The following SEMA6D variants were observed in gnomAD, a reference collection of about 807,000 sequenced individuals.
SEMA6D encodes semaphorin-6D.
A neutral mutation model predicts 106.6 loss-of-function variants in SEMA6D; 35 were observed. That is an observed-to-expected ratio of 0.33 (90% CI 0.25 to 0.44). The LOEUF (loss-of-function observed/expected upper bound fraction) is 0.44. SEMA6D is among the 20% of genes least tolerant of loss of function. The pLI is 1.00. For synonymous variants in SEMA6D, 499 were observed against 487.7 expected, an observed-to-expected ratio of 1.02 and a Z score of -0.31; for missense variants, 1,185 against 1,345.9, an observed-to-expected ratio of 0.88 and a Z score of 1.87.
intron 2 of SEMA6D, among the ~76,000 whole-genome samples, chr15:47,469,081 A>G (rs755701553): frequency 1.2e-4 from 19 of 152,198 alleles, no homozygotes; most frequent in Non-Finnish European, 1.3e-4. Flanking sequence ...TCTGAACTCA[A>G]TGGCATAGTG....
chr15:47,730,847 G>A, intron 1 of SEMA6D: 13 of 1,359,032 alleles, frequency 9.6e-6, no homozygotes, highest in South Asian at 9.4e-5. Context: ...TGCTCAAACG[G>A]GATTCACCAC....
At chr15:47,744,565 G>T (rs1403643315) in intron 1 of SEMA6D, among the ~76,000 whole-genome samples, 2 of 152,152 alleles carry the variant, frequency 1.3e-5, no homozygotes, top group Non-Finnish European at 2.9e-5. Context: ...ACACATGGTT[G>T]TGGGGGGGAA....
At chr15:47,410,728 G>A (rs991700406) in intron 1 of SEMA6D, among the ~76,000 whole-genome samples, 1 of 152,120 alleles carries the variant, frequency 6.6e-6, no homozygotes, top group East Asian at 1.9e-4. Context: ...TCTTTAGGAA[G>A]TAAGGCCAAA....
chr15:47,513,617 A>C (rs948042732), intron 3 of SEMA6D, among the ~76,000 whole-genome samples: 1 of 152,230 alleles, frequency 6.6e-6, no homozygotes, highest in African/African-American at 2.4e-5. Flanking sequence ...ATAAATCTGC[A>C]ACAGAAGCTT....
intron 1 of SEMA6D, among the ~76,000 whole-genome samples, chr15:47,288,420 A>G (rs1023356172): frequency 3.3e-5 from 5 of 152,126 alleles, no homozygotes; most frequent in African/African-American, 1.2e-4. Flanking sequence ...CTTAATCCTC[A>G]CAATATCTCT....
intron 1 of SEMA6D, among the ~76,000 whole-genome samples, chr15:47,320,159 C>T (rs1044457979): frequency 6.6e-6 from 1 of 152,138 alleles, no homozygotes; most frequent in Non-Finnish European, 1.5e-5. Context: ...TTTTTATTCC[C>T]TCTGCCTTTC....
rs188649849 is a variant in SEMA6D at position 47,206,332 on chromosome 15, G to T, written c.-239+21914G>T. 4.3e-4 allele frequency among the ~76,000 whole-genome samples: 66 copies of T among 152,288 alleles called. 1 individual carries two copies. The East Asian group carries it at 9.8e-3, about 23-fold the overall frequency. Reference sequence around the variant, plus strand: ...AAAAAGAACTCATGGCCAACAGGTTGGTCGTGTTGATTTTACAGATGAGAG... The same window carrying T: ...AAAAAGAACTCATGGCCAACAGGTTTGTCGTGTTGATTTTACAGATGAGAG... On this transcript the variant is annotated intron_variant, in intron 1 of 19. Transcript: ENST00000558014.
At chr15:47,355,547 TG>T in intron 1 of SEMA6D, among the ~76,000 whole-genome samples, 1 of 152,184 alleles carries the variant, frequency 6.6e-6, no homozygotes. Flanking sequence ...ATGTCAGATG[TG>T]TTTTACCATC....
rs1010549698 is a variant in SEMA6D at position 47,448,008 on chromosome 15, A to G, written c.-158-22466A>G. Among the ~76,000 whole-genome samples the G allele has an allele frequency of 5.9e-5, 9 of 152,240 alleles. No homozygotes were observed. The East Asian group carries it at 1.6e-3, about 26-fold the overall frequency. ...ATGGTTGTGGTACAACATCAGAGGAAAAGCAGTTTGGTTTTTCCAATATAC... is the reference window on the plus strand; with the variant it reads ...ATGGTTGTGGTACAACATCAGAGGAGAAGCAGTTTGGTTTTTCCAATATAC... On this transcript the variant is annotated intron_variant, in intron 2 of 19. Transcript: ENST00000558014.
intron 3 of SEMA6D, among the ~76,000 whole-genome samples, chr15:47,573,401 G>C (rs1175644174): frequency 1.3e-5 from 2 of 152,154 alleles, no homozygotes; most frequent in Non-Finnish European, 2.9e-5. Context: ...AAAAGTTCCA[G>C]AACATAGAAT....
At chr15:47,407,547 A>G (rs1439286967) in intron 1 of SEMA6D, among the ~76,000 whole-genome samples, 1 of 152,120 alleles carries the variant, frequency 6.6e-6, no homozygotes, top group African/African-American at 2.4e-5. Flanking sequence ...GTTGACTTGA[A>G]GTAGATGTAG....
chr15:47,676,540 G>A (rs892401590), intron 4 of SEMA6D, among the ~76,000 whole-genome samples: 1 of 152,150 alleles, frequency 6.6e-6, no homozygotes, highest in Non-Finnish European at 1.5e-5. Flanking sequence ...CAAAAGATGG[G>A]AAGTTACAAT....
rs2082270236 is a variant in SEMA6D at position 47,765,149 on chromosome 15, G to T, written c.1427+93G>T. On this transcript the variant is annotated intron_variant, in intron 13 of 18. Coordinates refer to ENST00000536845, the MANE Select transcript of SEMA6D (RefSeq NM_001358351.3). ...CATGTCCTTTTGGTCCTCTAAATTA[G>T]CAGTGGTTTGGCATAATAGTGTTTT... 7 of 1,522,358 alleles carry T rather than the reference G, an allele frequency of 4.6e-6. No individual in the cohort carries two copies. The South Asian group carries it at 8.0e-5, about 17-fold the overall frequency. 94.3% of individuals were successfully genotyped at this position (1,522,358 alleles called of 1,614,324 possible).
At chr15:47,306,160 T>A in intron 1 of SEMA6D, among the ~76,000 whole-genome samples, 1 of 151,672 alleles carries the variant, frequency 6.6e-6, no homozygotes, top group Non-Finnish European at 1.5e-5. Flanking sequence ...TTTTTTGTAT[T>A]TTTTAGTAGA....
rs555634372 is a variant in SEMA6D, at chr15:47,694,506, A to T, written c.-54-65239A>T. 2.6e-5 allele frequency among the ~76,000 whole-genome samples: 4 copies of T among 152,178 alleles called. No individual in the cohort carries two copies. In the South Asian group the frequency reaches 8.3e-4, roughly 32 times the overall value. On this transcript the variant is annotated intron_variant, in intron 4 of 19. Coordinates refer to the SEMA6D transcript ENST00000558014. ...CTTTCTTATTACAAAATAAACCTCC[A>T]AAGGAAAAGTCTTTCTTCCTGTGCC...
chr15:47,376,346 T>G (rs1215305743), intron 1 of SEMA6D, among the ~76,000 whole-genome samples: 3 of 152,222 alleles, frequency 2.0e-5, no homozygotes, highest in African/African-American at 7.2e-5. Context: ...AGCTTGCTGC[T>G]GAGCACAGCA....
chr15:47,396,422 A>G (rs1443960417), intron 1 of SEMA6D: 3 of 152,976 alleles, frequency 2.0e-5, no homozygotes, highest in Non-Finnish European at 2.9e-5. Flanking sequence ...ACGTGTCCCA[A>G]AATCTCAAAA....
At chr15:47,405,721 G>C (rs973273418) in intron 1 of SEMA6D, among the ~76,000 whole-genome samples, 3 of 152,078 alleles carry the variant, frequency 2.0e-5, no homozygotes, top group Non-Finnish European at 1.5e-5. Context: ...TATAAACTCT[G>C]CTGCACTGCT....
At chr15:47,513,737 A>G (rs1021379056) in intron 3 of SEMA6D, among the ~76,000 whole-genome samples, 41 of 152,352 alleles carry the variant, frequency 2.7e-4, no homozygotes, top group African/African-American at 8.4e-4. Flanking sequence ...CTTGAAGCAT[A>G]TCAAGCGAAG....
Sources: allele counts gnomAD v4.1 joint callset (sites outside exome capture counted in the v4.1 genomes callset), GRCh38; gene constraint gnomAD v4.1.1; transcripts MANE v1.5; gene names NCBI Gene and HGNC (gene_info 2026-07-23, HGNC 2026-07-21).